The following CYP2C8 variants were observed in gnomAD, a reference collection of about 807,000 sequenced individuals.
CYP2C8 encodes the protein cytochrome P450 2C8.
In CYP2C8, 51 loss-of-function variants were observed where a neutral mutation model predicts 41.3. The ratio of observed to expected loss-of-function variants is 1.24; its 90% confidence interval spans 0.99 to 1.56. CYP2C8 has a LOEUF of 1.56. Ranked by LOEUF, CYP2C8 falls within the 40% of genes most tolerant of loss-of-function variation. The pLI, the probability that CYP2C8 is intolerant of heterozygous loss-of-function variation, is 0.00. For missense variants in CYP2C8, 651 were observed against 579.9 expected (o/e 1.12, Z -1.26); for synonymous variants, 218 against 205.8 (o/e 1.06, Z -0.51).
Position 95,048,608 on chromosome 10 carries a change from C to T in CYP2C8, c.820-2657G>A, listed in dbSNP as rs930466897. Among the ~76,000 whole-genome samples the T allele has an allele frequency of 4.6e-5, 7 of 152,198 alleles. No homozygotes were observed. In the East Asian group the frequency reaches 5.8e-4, roughly 13 times the overall value. ...TGTGGGTATGGTGTTAGCTGAGATA[C>T]GATAAAAGTTTTCTCCTTCCCAAAT... is the stretch of plus-strand genomic sequence containing the variant. On this transcript the variant is annotated intron_variant, in intron 5 of 8. Coordinates refer to ENST00000371270, the MANE Select transcript of CYP2C8 (RefSeq NM_000770.3).
At chr10:95,041,011 A>G (rs2032983242) in intron 7 of CYP2C8, 2 of 455,932 alleles carry the variant, frequency 4.4e-6, no homozygotes, top group Non-Finnish European at 8.8e-6. Context: ...ATATCTTATG[A>G]ATACAGAAGT....
chr10:95,054,939 A>G (rs1264420334), intron 5 of CYP2C8, among the ~76,000 whole-genome samples: 1 of 152,154 alleles, frequency 6.6e-6, no homozygotes, highest in Non-Finnish European at 1.5e-5. Context: ...AAGGATTGAA[A>G]TGGCACACGT....
At chr10:95,059,818 G>A (rs1464184313) in intron 4 of CYP2C8, among the ~76,000 whole-genome samples, 1 of 152,132 alleles carries the variant, frequency 6.6e-6, no homozygotes, top group Non-Finnish European at 1.5e-5. Flanking sequence ...ATTAATTTTT[G>A]TATAAGGTGT....
chr10:95,069,455 T>TA lies in CYP2C8; in HGVS notation c.-54dup, dbSNP rs2033637049. 5 of 1,419,142 alleles carry TA rather than the reference T, an allele frequency of 3.5e-6. No homozygotes were observed. In the Admixed American group the frequency reaches 6.8e-5, roughly 19 times the overall value. The allele number at this position is 1,419,142 out of a possible 1,614,324, so 87.9% of individuals were successfully genotyped here. A position where few individuals can be genotyped will look rare whatever the true frequency, so the allele number is the denominator to read the frequency against. On this transcript the variant is annotated 5_prime_UTR_variant, in exon 1 of 9. Coordinates refer to ENST00000371270, the MANE Select transcript of CYP2C8 (RefSeq NM_000770.3). ...CTGTGAGCTTGCACTCCAAAGTTTT[T>TA]ATAACACTCCCTGCTAATTTAGTGT...
In CYP2C8 at chr10:95,038,964, G is replaced by T. The variant is rs898459930; in HGVS notation, c.1224C>A (p.Asp408Glu). ...DKEFPNPNIF[D>E]PGHFLDKNGN... is the part of the protein sequence containing the mutation. ...CATTCTTATCTAGAAAGTGGCCAGG[G>T]TCAAAGATATTTGGATTAGGAAATT... The change falls in exon 8 of 9, where the codon GAC becomes GAA. Residue 408 changes from aspartate to glutamate, a missense_variant. Physicochemically the swap from Asp to Glu is conservative, Grantham distance 45 (BLOSUM62 2). Transcript: ENST00000371270. 1.9e-6 allele frequency: 3 copies of T among 1,613,724 alleles called. No individual in the cohort carries two copies. Among genetic ancestry groups the T allele is most frequent in the East Asian group, 2.2e-5 (1 of 44,884 alleles).
intron 4 of CYP2C8, 139 bp downstream of exon 4, chr10:95,064,661 G>T: frequency 1.2e-6 from 1 of 834,664 alleles, no homozygotes; most frequent in Non-Finnish European, 1.9e-6. Context: ...GGAAATCAAA[G>T]GTGGTAATTA....
In CYP2C8 at chr10:95,058,442, C is replaced by T; in HGVS notation, c.712G>A (p.Ala238Thr). The part of the protein sequence containing the change: ...GTHNKVLKNV[A>T]LTRSYIREKV... ...TCCCTAATGTAACTTCGTGTAAGAG[C>T]AACATTTTTAAGCACTTTGTTGTGA... is the stretch of plus-strand genomic sequence containing the variant. The change falls in exon 5 of 9, where the codon GCT becomes ACT. Residue 238 changes from alanine (A) to threonine (T), a missense_variant. By Grantham distance (58) the Ala-to-Thr change is moderately conservative. Transcript: ENST00000371270. The T allele has an allele frequency of 6.2e-7, 1 of 1,613,370 alleles. No homozygotes were observed. The highest frequency in any genetic ancestry group is 1.1e-5 in the South Asian group (1 of 91,056).
At chr10:95,051,046 G>A (rs1459331474) in intron 5 of CYP2C8, among the ~76,000 whole-genome samples, 1 of 152,144 alleles carries the variant, frequency 6.6e-6, no homozygotes, top group African/African-American at 2.4e-5. Context: ...TGATCTTTCA[G>A]CCAGAGAATA....
intron 5 of CYP2C8, among the ~76,000 whole-genome samples, chr10:95,050,407 C>A (rs2033192324): frequency 6.6e-6 from 1 of 152,128 alleles, no homozygotes; most frequent in South Asian, 2.1e-4. Context: ...TGTAGGGCCC[C>A]AGATCCTTGG....
At chr10:95,039,069 A>C (rs959896954) in intron 7 of CYP2C8, 31 bp from the exon 8 acceptor site, 15 of 1,605,038 alleles carry the variant, frequency 9.3e-6, no homozygotes, top group Middle Eastern at 1.6e-4. Context: ...AATCTGATTT[A>C]TAAAGAAGTC....
intron 4 of CYP2C8, among the ~76,000 whole-genome samples, chr10:95,064,344 C>T (rs1456616813): frequency 6.6e-6 from 1 of 152,214 alleles, no homozygotes. Context: ...ACCCCTCCCC[C>T]AGCCTCGCTG....
At chr10:95,058,184 A>T in intron 5 of CYP2C8, 151 bp downstream of exon 5, 1 of 1,145,860 alleles carries the variant, frequency 8.7e-7, no homozygotes, top group Non-Finnish European at 1.2e-6. Flanking sequence ...CATGATGTTT[A>T]GTGCAGGCCC....
chr10:95,052,991 A>G (rs889946039), intron 5 of CYP2C8, among the ~76,000 whole-genome samples: 4 of 152,254 alleles, frequency 2.6e-5, no homozygotes, highest in Admixed American at 2.6e-4. Flanking sequence ...GAATGGAAGA[A>G]GTCAAATTAT....
At chr10:95,038,843 T>C in intron 8 of CYP2C8, 54 bp downstream of exon 8, 3 of 1,584,594 alleles carry the variant, frequency 1.9e-6, no homozygotes, top group South Asian at 1.1e-5. Context: ...TTCCAACTAA[T>C]TCCAAAAAGT....
chr10:95,037,942 G>A (rs565457614), intron 8 of CYP2C8, among the ~76,000 whole-genome samples: 5 of 152,226 alleles, frequency 3.3e-5, no homozygotes, highest in Admixed American at 1.3e-4. Context: ...TTCCTCAACA[G>A]CATACTCATG....
chr10:95,050,290 C>T (rs1347918915), intron 5 of CYP2C8, among the ~76,000 whole-genome samples: 1 of 152,084 alleles, frequency 6.6e-6, no homozygotes, highest in Non-Finnish European at 1.5e-5. Flanking sequence ...GTTTTTGACT[C>T]TAGTCCCTGG....
chr10:95,042,756 C>T (rs2033027916), intron 7 of CYP2C8, 134 bp downstream of exon 7: 1 of 777,566 alleles, frequency 1.3e-6, no homozygotes, highest in Non-Finnish European at 2.3e-6. Context: ...AACAAAATAG[C>T]AGAAAGTCCA....
At chr10:95,059,308 G>C (rs2134429913) in intron 4 of CYP2C8, among the ~76,000 whole-genome samples, 1 of 152,300 alleles carries the variant, frequency 6.6e-6, no homozygotes, top group South Asian at 2.1e-4. Context: ...AGAACCTGTT[G>C]TTTCCTGACT....
intron 1 of CYP2C8, 173 bp downstream of exon 1, chr10:95,069,062 C>CA (rs34026025): frequency 0.043 from 27,972 of 644,606 alleles, 159 homozygotes; most frequent in Middle Eastern, 0.096. Context: ...GACTCCGTCT[C>CA]AAAAAAAAAA....
Sources: gnomAD v4.1 joint callset for allele counts (sites outside exome capture counted in the v4.1 genomes callset) on GRCh38, gnomAD v4.1.1 for gene constraint, MANE v1.5 for transcripts, NCBI Gene and HGNC (gene_info 2026-07-23, HGNC 2026-07-21) for gene names.